The following PRKAR2B variants were observed in gnomAD, a reference collection of about 807,000 sequenced individuals.
PRKAR2B encodes the protein cAMP-dependent protein kinase type II-beta regulatory subunit.
In PRKAR2B, 14 loss-of-function variants were observed where a neutral mutation model predicts 49.9. That is an observed-to-expected ratio of 0.28 (90% CI 0.19 to 0.44). PRKAR2B has a LOEUF of 0.44. Among genes scored for constraint, PRKAR2B ranks in the 20% least tolerant of loss-of-function variants. PRKAR2B has a pLI of 1.00. For missense variants in PRKAR2B, 393 were observed against 537.9 expected (o/e 0.73, Z 2.67); for synonymous variants, 196 against 197.7 (o/e 0.99, Z 0.07).
intron 2 of PRKAR2B, among the ~76,000 whole-genome samples, chr7:107,098,172 A>G (rs989367250): frequency 6.6e-6 from 1 of 152,142 alleles, no homozygotes; most frequent in Non-Finnish European, 1.5e-5. Context: ...TTGGTCTTTC[A>G]CATAGTCCCA....
intron 1 of PRKAR2B, among the ~76,000 whole-genome samples, chr7:107,066,304 GTGT>G: frequency 7.0e-6 from 1 of 143,266 alleles, no homozygotes; most frequent in Non-Finnish European, 1.6e-5. Context: ...TATGTGGGGT[GTGT>G]GTGTGTGTGT....
At chr7:107,093,411 A>G (rs1004805978) in intron 2 of PRKAR2B, among the ~76,000 whole-genome samples, 2 of 152,004 alleles carry the variant, frequency 1.3e-5, no homozygotes, top group African/African-American at 4.8e-5. Flanking sequence ...TAGCCAACCT[A>G]ATGGGTATGA....
chr7:107,095,742 C>T (rs1160261607), intron 2 of PRKAR2B, among the ~76,000 whole-genome samples: 1 of 152,194 alleles, frequency 6.6e-6, no homozygotes, highest in Non-Finnish European at 1.5e-5. Context: ...AAGGCTTTTT[C>T]TGCATCTATT....
At chr7:107,077,134 A>G (rs770762169) in intron 2 of PRKAR2B, 1 of 152,188 alleles carries the variant, frequency 6.6e-6, no homozygotes, top group Non-Finnish European at 1.5e-5. Flanking sequence ...TTATAGTTAC[A>G]TTCATATTTT....
chr7:107,058,910 C>T (rs977416274), intron 1 of PRKAR2B, among the ~76,000 whole-genome samples: 3 of 152,126 alleles, frequency 2.0e-5, no homozygotes, highest in African/African-American at 7.2e-5. Context: ...TAGAGAAAGA[C>T]ACAGATAAAT....
chr7:107,074,565 G>A (rs1794355907), intron 2 of PRKAR2B, among the ~76,000 whole-genome samples: 1 of 151,940 alleles, frequency 6.6e-6, no homozygotes, highest in African/African-American at 2.4e-5. Flanking sequence ...TTGGGAGGCT[G>A]AGGTGAGCGG....
intron 2 of PRKAR2B, among the ~76,000 whole-genome samples, chr7:107,093,377 C>G (rs1041099673): frequency 6.6e-6 from 1 of 152,074 alleles, no homozygotes; most frequent in African/African-American, 2.4e-5. Context: ...TTTACCAATA[C>G]CTGTTATTTT....
rs1197567721 is a variant in PRKAR2B, at chr7:107,102,678, T to G, written c.344-19274T>G. The stretch of plus-strand genomic sequence containing the variant: ...TATAAAGGAAGAAAAGATTTTTTTG[T>G]TTGTTTGTTTGAGACAGAGCCTCGC... On this transcript the variant is annotated intron_variant, in intron 2 of 10. Transcript: ENST00000265717. Among the ~76,000 whole-genome samples the G allele has an allele frequency of 3.9e-5, 6 of 152,192 alleles. No individual in the cohort carries two copies. In the East Asian group the frequency reaches 1.2e-3, roughly 29 times the overall value.
At chr7:107,110,355 C>T (rs973683454) in intron 2 of PRKAR2B, among the ~76,000 whole-genome samples, 3 of 152,052 alleles carry the variant, frequency 2.0e-5, no homozygotes, top group African/African-American at 7.2e-5. Context: ...GACTTGAACT[C>T]CTAGGCAAAT....
chr7:107,045,076 A>G lies in PRKAR2B; in HGVS notation c.169A>G (p.Thr57Ala), dbSNP rs1455153877. 6.5e-7 allele frequency: 1 copy of G among 1,535,800 alleles called. No individual in the cohort carries two copies. The highest frequency in any genetic ancestry group is 2.0e-5 in the Admixed American group (1 of 50,930). ...GTARFGHEGR[T>A]WGDLGAAAGG... Reference sequence around the variant, plus strand: ...CGCGCGCTTCGGCCATGAGGGCAGGACCTGGGGGGACCTGGGCGCCGCTGC... The same window carrying G: ...CGCGCGCTTCGGCCATGAGGGCAGGGCCTGGGGGGACCTGGGCGCCGCTGC... Residue 57 changes from threonine (T) to alanine (A), a missense_variant, in exon 1 of 11, where the codon ACC becomes GCC. By Grantham distance (58) the Thr-to-Ala change is moderately conservative (BLOSUM62 0). Around this residue, in one of 2 missense-constraint regions of PRKAR2B, gnomAD observed 160 missense variants for 147.6 expected, o/e 1.08. Transcript: ENST00000265717.
chr7:107,057,663 CT>C (rs1793942114), intron 1 of PRKAR2B, among the ~76,000 whole-genome samples: 1 of 151,792 alleles, frequency 6.6e-6, no homozygotes, highest in African/African-American at 2.4e-5. Context: ...CCTCATTTTC[CT>C]CATCTATGAA....
chr7:107,133,632 G>A (rs1281161850), intron 4 of PRKAR2B: 1 of 152,154 alleles, frequency 6.6e-6, no homozygotes, highest in African/African-American at 2.4e-5. Flanking sequence ...CTTGGCTGCT[G>A]TTCCACAAAA....
rs1795365597 is a variant in PRKAR2B at position 107,120,357 on chromosome 7, CTGGTTAAGAGTCTCT to C, written c.344-1582_344-1568del. ...CTGGTTAGTACTTGGTTAAGAGTCA[CTGGTTAAGAGTCTCT>C]TGGTTAAGAGTCACTGGTTCAGGTG... On this transcript the variant is annotated intron_variant, in intron 2 of 10. Transcript: ENST00000265717. Among the ~76,000 whole-genome samples, 7 of 152,160 alleles carry C rather than the reference CTGGTTAAGAGTCTCT, an allele frequency of 4.6e-5. No individual in the cohort carries two copies. The South Asian group carries it at 1.2e-3, about 27-fold the overall frequency.
intron 2 of PRKAR2B, among the ~76,000 whole-genome samples, chr7:107,080,486 T>G (rs1411711483): frequency 2.0e-5 from 3 of 152,124 alleles, no homozygotes; most frequent in African/African-American, 7.2e-5. Flanking sequence ...GGCACAGCAG[T>G]GAACACATTA....
At position 107,045,112 on chromosome 7, in the gene PRKAR2B, A is replaced by C; in HGVS notation, c.205A>C (p.Thr69Pro). Residue 69 changes from threonine to proline, a missense_variant, in exon 1 of 11, where the codon ACC becomes CCC. By Grantham distance (38) the Thr-to-Pro change is conservative (BLOSUM62 -1). Coordinates refer to ENST00000265717, the MANE Select transcript of PRKAR2B (RefSeq NM_002736.3). ...GDLGAAAGGGTPSKGVNFAEE... is the reference protein window; with the variant it reads ...GDLGAAAGGGPPSKGVNFAEE... ...CCTGGGCGCCGCTGCCGGGGGCGGC[A>C]CCCCCAGCAAGGGGGTCAACTTCGC... 1 of 1,524,786 alleles carries C rather than the reference A, an allele frequency of 6.6e-7. No homozygotes were observed. The highest frequency in any genetic ancestry group is 8.8e-7 in the Non-Finnish European group (1 of 1,138,790). 94.5% of individuals were successfully genotyped at this position (1,524,786 alleles called of 1,614,324 possible). A position where few individuals can be genotyped will look rare whatever the true frequency, so the allele number is the denominator to read the frequency against.
chr7:107,114,711 G>A (rs907698795), intron 2 of PRKAR2B, among the ~76,000 whole-genome samples: 1 of 151,758 alleles, frequency 6.6e-6, no homozygotes, highest in African/African-American at 2.4e-5. Context: ...CAAATGAAGA[G>A]CAAATTTTTA....
intron 2 of PRKAR2B, among the ~76,000 whole-genome samples, chr7:107,082,507 T>A (rs1220330301): frequency 6.6e-6 from 1 of 152,212 alleles, no homozygotes; most frequent in Non-Finnish European, 1.5e-5. Flanking sequence ...TTTTATTGAC[T>A]AATAAATAAG....
chr7:107,068,911 G>A (rs1444716602), intron 1 of PRKAR2B: 1 of 152,202 alleles, frequency 6.6e-6, no homozygotes, highest in Non-Finnish European at 1.5e-5. Context: ...ACTGTAAAAT[G>A]TACTCATCAG....
chr7:107,053,895 A>G (rs960685533), intron 1 of PRKAR2B, among the ~76,000 whole-genome samples: 2 of 152,212 alleles, frequency 1.3e-5, no homozygotes, highest in South Asian at 4.1e-4. Context: ...GCAATTTCAT[A>G]GAGTATTTCA....
Sources: gnomAD v4.1 joint callset for allele counts (sites outside exome capture counted in the v4.1 genomes callset) on GRCh38, gnomAD v4.1.1 for gene constraint, gnomAD v4.1.1 regional missense constraint, MANE v1.5 for transcripts, NCBI Gene and HGNC (gene_info 2026-07-23, HGNC 2026-07-21) for gene names.